Variants in TENM4 observed in about 807,000 individuals in gnomAD.
TENM4 encodes teneurin transmembrane protein 4.
A neutral mutation model predicts 243.3 loss-of-function variants in TENM4; 82 were observed. The ratio of observed to expected loss-of-function variants is 0.34; its 90% CI spans 0.28 to 0.40. TENM4 has a LOEUF of 0.40. TENM4 is among the 10% of genes least tolerant of loss of function. TENM4 has a pLI of 1.00. For missense variants in TENM4, 3,138 were observed against 3,673.3 expected, an observed-to-expected ratio of 0.85 and a Z score of 3.77; for synonymous variants, 1,412 against 1,456.3, an observed-to-expected ratio of 0.97 and a Z score of 0.69.
intron 28 of TENM4, among the ~76,000 whole-genome samples, chr11:78,690,107 G>C (rs376021880): frequency 1.1e-3 from 161 of 152,270 alleles, no homozygotes; most frequent in African/African-American, 3.6e-3. Context: ...ACGGAGTCAG[G>C]TTCTGCCAGG....
intron 2 of TENM4, among the ~76,000 whole-genome samples, chr11:79,257,267 G>T (rs111381543): frequency 4.6e-5 from 7 of 152,076 alleles, no homozygotes; most frequent in African/African-American, 2.4e-5. Context: ...TGTCCCAAAG[G>T]GTTGTTATGC....
chr11:78,747,373 ACAAGG>A (rs772391047), intron 19 of TENM4, among the ~76,000 whole-genome samples: 58 of 152,350 alleles, frequency 3.8e-4, no homozygotes, highest in Non-Finnish European at 8.1e-4. Context: ...GGATTCAGGG[ACAAGG>A]CAGAAAGCCA....
chr11:79,197,759 G>C lies in TENM4; in HGVS notation c.-163+18049C>G, dbSNP rs552499554. Reference sequence around the variant, plus strand: ...GCATTGTTTTGCTGGGGGACGTGGTGGGGGGAAACCTGGCTTTCTCTCCTC... The same window carrying C: ...GCATTGTTTTGCTGGGGGACGTGGTCGGGGGAAACCTGGCTTTCTCTCCTC... On this transcript the variant is annotated intron_variant, in intron 3 of 33. Coordinates refer to ENST00000278550, the MANE Select transcript of TENM4 (RefSeq NM_001098816.3). Among the ~76,000 whole-genome samples the C allele has an allele frequency of 5.8e-4, 89 of 152,284 alleles. 2 individuals carry two copies. In the South Asian group the frequency reaches 0.018, roughly 31 times the overall value.
chr11:79,416,852 A>G (rs969640724), intron 1 of TENM4, among the ~76,000 whole-genome samples: 2 of 150,486 alleles, frequency 1.3e-5, no homozygotes, highest in Admixed American at 1.3e-4. Flanking sequence ...TACAGTTAGG[A>G]TTTTGGTACA....
At chr11:79,014,629 T>G (rs1432206193) in intron 6 of TENM4, 1 of 152,262 alleles carries the variant, frequency 6.6e-6, no homozygotes, top group Non-Finnish European at 1.5e-5. Context: ...AGGGCTCTTC[T>G]GCTTAGAGAG....
rs965436247 is a variant in TENM4 at position 78,945,333 on chromosome 11, C to A, written c.494-41810G>T. ...TATCTCTGTTATGGTGATCTGTGAT[C>A]AGTGATCTTTGGTGTTACTATTGTA... is the stretch of plus-strand genomic sequence containing the variant. On this transcript the variant is annotated intron_variant, in intron 6 of 33. Transcript: ENST00000278550. Among the ~76,000 whole-genome samples, 3 of 152,118 alleles carry A rather than the reference C, an allele frequency of 2.0e-5. No homozygotes were observed. In the East Asian group the frequency reaches 5.8e-4, roughly 29 times the overall value.
At chr11:79,183,687 C>T (rs1305711861) in intron 3 of TENM4, among the ~76,000 whole-genome samples, 1 of 152,090 alleles carries the variant, frequency 6.6e-6, no homozygotes, top group African/African-American at 2.4e-5. Flanking sequence ...CTTAATTTTG[C>T]TGTGAACCTA....
At chr11:78,824,438 C>T (rs932828921) in intron 12 of TENM4, among the ~76,000 whole-genome samples, 6 of 152,040 alleles carry the variant, frequency 3.9e-5, no homozygotes, top group Admixed American at 6.6e-5. Flanking sequence ...GTACACACTC[C>T]CTTTTCAGAA....
At chr11:79,263,153 C>A (rs1182691560) in intron 2 of TENM4, among the ~76,000 whole-genome samples, 1 of 152,230 alleles carries the variant, frequency 6.6e-6, no homozygotes, top group East Asian at 1.9e-4. Flanking sequence ...CCAATAAAAG[C>A]CCTCCCGTTT....
At chr11:79,044,084 A>C (rs912806819) in intron 6 of TENM4, among the ~76,000 whole-genome samples, 6 of 152,200 alleles carry the variant, frequency 3.9e-5, no homozygotes, top group Non-Finnish European at 7.3e-5. Flanking sequence ...AAAGGCTGCT[A>C]ATTCTAACAG....
intron 18 of TENM4, among the ~76,000 whole-genome samples, chr11:78,765,559 G>C (rs997318802): frequency 6.6e-6 from 1 of 152,202 alleles, no homozygotes; most frequent in Non-Finnish European, 1.5e-5. Context: ...ATCATACCTT[G>C]AAGCTGCTTA....
chr11:78,864,562 A>G (rs1858915454), intron 9 of TENM4, among the ~76,000 whole-genome samples: 2 of 152,098 alleles, frequency 1.3e-5, no homozygotes, highest in South Asian at 4.1e-4. Flanking sequence ...CTTGAGATAT[A>G]CATGCTTGAG....
chr11:78,802,396 G>A (rs898672620), intron 15 of TENM4, among the ~76,000 whole-genome samples: 4 of 152,250 alleles, frequency 2.6e-5, no homozygotes, highest in Non-Finnish European at 5.9e-5. Flanking sequence ...TGCCAAGGTC[G>A]CATGGTTAAC....
At chr11:78,690,731 C>T (rs553574420) in intron 28 of TENM4, among the ~76,000 whole-genome samples, 39 of 152,286 alleles carry the variant, frequency 2.6e-4, no homozygotes, top group Admixed American at 1.8e-3. Flanking sequence ...TTAACTGTAT[C>T]TGTGATTCAT....
intron 2 of TENM4, among the ~76,000 whole-genome samples, chr11:79,283,948 T>C (rs963751013): frequency 1.1e-4 from 16 of 152,114 alleles, no homozygotes; most frequent in Admixed American, 9.2e-4. Flanking sequence ...AATAATTCCA[T>C]TTATAATAGC....
chr11:78,921,056 G>C (rs1856437767), intron 6 of TENM4, among the ~76,000 whole-genome samples: 1 of 152,230 alleles, frequency 6.6e-6, no homozygotes, highest in Non-Finnish European at 1.5e-5. Context: ...GGGTTAGCAT[G>C]AGTCTGTCCA....
intron 28 of TENM4, among the ~76,000 whole-genome samples, chr11:78,700,873 A>G (rs2135762354): frequency 1.3e-5 from 2 of 152,282 alleles, no homozygotes; most frequent in Middle Eastern, 6.8e-3. Flanking sequence ...AAAGGGCTCT[A>G]TATCCTCATT....
Position 78,670,483 on chromosome 11 carries a change from A to G in TENM4, c.5862T>C (p.Ser1954=). 1 of 1,613,962 alleles carries G rather than the reference A, an allele frequency of 6.2e-7. No homozygotes were observed. Among genetic ancestry groups the G allele is most frequent in the East Asian group, 2.2e-5 (1 of 44,876 alleles). The change falls in exon 32 of 34, where the codon TCT becomes TCC. Residue 1954 remains serine (S), a synonymous_variant. Transcript: ENST00000278550. ...IFEFDKNDRL[S]SVTMPNVARQ... is the part of the protein sequence containing the mutation. ...GCGCCACGTTGGGCATCGTCACAGA[A>G]GAGAGGCGGTCATTCTTGTCGAACT...
At chr11:78,984,529 C>G (rs535120208) in intron 6 of TENM4, among the ~76,000 whole-genome samples, 1 of 152,184 alleles carries the variant, frequency 6.6e-6, no homozygotes, top group South Asian at 2.1e-4. Context: ...TGCCCAAATC[C>G]AGTGCCTGAA....
Sources: allele counts gnomAD v4.1 joint callset (sites outside exome capture counted in the v4.1 genomes callset), GRCh38; gene constraint gnomAD v4.1.1; transcripts MANE v1.5; gene names NCBI Gene and HGNC (gene_info 2026-07-23, HGNC 2026-07-21).